CC2D2B: variants seen among roughly 807,000 people sequenced by gnomAD.
CC2D2B encodes protein CC2D2B.
A neutral mutation model predicts 161.2 loss-of-function variants in CC2D2B; 128 were observed. The ratio of observed to expected loss-of-function variants is 0.79; its 90% CI spans 0.69 to 0.92. CC2D2B has a LOEUF of 0.92. Among genes scored for constraint, CC2D2B ranks in the 40% least tolerant of loss-of-function variants. CC2D2B has a pLI of 0.00. For synonymous variants in CC2D2B, 391 were observed against 449.8 expected, an observed-to-expected ratio of 0.87 and a Z score of 1.65; for missense variants, 1,173 against 1,375.1, an observed-to-expected ratio of 0.85 and a Z score of 2.32.
chr10:95,927,260 A>G lies in CC2D2B; in HGVS notation c.264A>G (p.Ser88=). 6.5e-7 allele frequency: 1 copy of G among 1,549,378 alleles called. No homozygotes were observed. The highest frequency in any genetic ancestry group is 8.7e-7 in the Non-Finnish European group (1 of 1,144,622). ...AGTTGTCTCCACAGACTGAAGTCTC[A>G]TTGGATGAAAGTCTTTCATTTTTCA... is the stretch of plus-strand genomic sequence containing the variant. ...RSKLSPQTEV[S]LDESLSFFIL... Residue 88 remains serine (S), a synonymous_variant, in exon 6 of 35, where the codon TCA becomes TCG. Coordinates refer to ENST00000646931, the MANE Select transcript of CC2D2B (RefSeq NM_001349008.3).
chr10:95,935,172 C>T (rs1268851096), intron 6 of CC2D2B, among the ~76,000 whole-genome samples: 2 of 152,296 alleles, frequency 1.3e-5, no homozygotes, highest in South Asian at 2.1e-4. Flanking sequence ...CATCTGGCCA[C>T]ACAGTTTTAT....
chr10:95,968,889 G>A lies in CC2D2B; in HGVS notation c.1632G>A (p.Val544=). The change falls in exon 15 of 35, where the codon GTG becomes GTA. Residue 544 remains valine (V), a synonymous_variant. Transcript: ENST00000646931. ...TTCAGTTAATGTATTGGCCTGAAGTGATTTGTTTGGAGGTATGCCATTGTC... is the reference window on the plus strand; with the variant it reads ...TTCAGTTAATGTATTGGCCTGAAGTAATTTGTTTGGAGGTATGCCATTGTC... ...FNIQLMYWPE[V]ICLEVYEKSK... 1 of 1,228,928 alleles carries A rather than the reference G, an allele frequency of 8.1e-7. No individual in the cohort carries two copies. The highest frequency in any genetic ancestry group is 1.0e-6 in the Non-Finnish European group (1 of 985,312). 76.1% of individuals were successfully genotyped at this position (1,228,928 alleles called of 1,614,324 possible). A position where few individuals can be genotyped will look rare whatever the true frequency, so the allele number is the denominator to read the frequency against.
chr10:96,009,809 T>A lies in CC2D2B; in HGVS notation c.2947-16T>A, dbSNP rs576976655. 38 of 1,316,818 alleles carry A rather than the reference T, an allele frequency of 2.9e-5. No individual in the cohort carries two copies. In the East Asian group the frequency reaches 5.3e-4, roughly 18 times the overall value. 81.6% of individuals were successfully genotyped at this position (1,316,818 alleles called of 1,614,324 possible). On this transcript the variant is annotated splice_polypyrimidine_tract_variant and intron_variant, in intron 25 of 34. Transcript: ENST00000646931. ...ATGATATTAAGTAAGTAATAAAAAA[T>A]TATTTATTTTCATAGGATCACTGTC...
intron 2 of CC2D2B, among the ~76,000 whole-genome samples, chr10:95,918,394 A>G (rs1167700720): frequency 6.6e-6 from 1 of 152,222 alleles, no homozygotes; most frequent in Non-Finnish European, 1.5e-5. Flanking sequence ...ACAATTTTCT[A>G]GGATAAAAAT....
At chr10:96,019,897 T>C (rs933772186) in intron 32 of CC2D2B, 73 bp downstream of exon 32, 4 of 1,349,446 alleles carry the variant, frequency 3.0e-6, no homozygotes, top group Non-Finnish European at 3.0e-6. Flanking sequence ...TTGTGACAGC[T>C]CTTATTATGT....
chr10:95,957,836 C>T (rs1311659336), intron 11 of CC2D2B, among the ~76,000 whole-genome samples: 1 of 149,950 alleles, frequency 6.7e-6, no homozygotes, highest in Non-Finnish European at 1.5e-5. Flanking sequence ...CCTGGGATTA[C>T]AGGTGTGAGC....
At chr10:95,980,811 A>T (rs1200883059) in intron 17 of CC2D2B, among the ~76,000 whole-genome samples, 1 of 152,202 alleles carries the variant, frequency 6.6e-6, no homozygotes, top group Non-Finnish European at 1.5e-5. Context: ...GACATTGTTG[A>T]ATCCGTGTCA....
chr10:95,913,030 C>T (rs983777712), intron 2 of CC2D2B, among the ~76,000 whole-genome samples: 1 of 151,950 alleles, frequency 6.6e-6, no homozygotes, highest in African/African-American at 2.4e-5. Context: ...TGACCATAGC[C>T]ACCCTTTTGT....
In CC2D2B at chr10:95,966,300, C is replaced by T; in HGVS notation, c.1464C>T (p.Ser488=). 1.9e-6 allele frequency: 2 copies of T among 1,078,512 alleles called. No homozygotes were observed. The highest frequency in any genetic ancestry group is 2.4e-6 in the Non-Finnish European group (2 of 848,410). The allele number at this position is 1,078,512 out of a possible 1,614,324, so 66.8% of individuals were successfully genotyped here. Residue 488 remains serine, a splice_region_variant and synonymous_variant, in exon 14 of 35, where the codon TCC becomes TCT. Coordinates refer to ENST00000646931, the MANE Select transcript of CC2D2B (RefSeq NM_001349008.3). ...AATTAACAAGCTTATCCAAGTGTTC[C>T]TTGTAAGCATGTTTAAATAATTATT... ...TAELTSLSKC[S]LHEQKRRAKI...
chr10:95,974,953 A>G (rs1590691029), intron 17 of CC2D2B, among the ~76,000 whole-genome samples: 1 of 152,206 alleles, frequency 6.6e-6, no homozygotes, highest in East Asian at 1.9e-4. Context: ...AACCTACAGA[A>G]TTTACAAGAC....
chr10:95,923,540 C>T (rs949951173), intron 3 of CC2D2B, among the ~76,000 whole-genome samples: 5 of 152,022 alleles, frequency 3.3e-5, no homozygotes, highest in Admixed American at 6.6e-5. Flanking sequence ...TTCAAGTAAC[C>T]AGGCTTTGAT....
At chr10:95,932,532 C>G (rs2075645144) in intron 6 of CC2D2B, among the ~76,000 whole-genome samples, 1 of 152,050 alleles carries the variant, frequency 6.6e-6, no homozygotes, top group Non-Finnish European at 1.5e-5. Flanking sequence ...TTTTCCTTTC[C>G]ATATTTAGTA....
At chr10:96,015,648 A>G (rs1381347682) in intron 29 of CC2D2B, among the ~76,000 whole-genome samples, 1 of 151,598 alleles carries the variant, frequency 6.6e-6, no homozygotes, top group Admixed American at 6.6e-5. Context: ...TTTACTGGGC[A>G]CTCTCTATTT....
chr10:96,000,706 A>G (rs563493108), intron 24 of CC2D2B: 2 of 152,236 alleles, frequency 1.3e-5, no homozygotes, highest in South Asian at 4.2e-4. Flanking sequence ...TATTATGGAT[A>G]CCAGCCCTTT....
intron 28 of CC2D2B, among the ~76,000 whole-genome samples, chr10:96,013,102 A>T (rs1338839021): frequency 3.9e-5 from 6 of 152,174 alleles, no homozygotes. Flanking sequence ...CATTAATTGC[A>T]TGAAGTCACC....
intron 6 of CC2D2B, among the ~76,000 whole-genome samples, chr10:95,932,177 T>C (rs2075627652): frequency 6.6e-6 from 1 of 152,226 alleles, no homozygotes; most frequent in Non-Finnish European, 1.5e-5. Flanking sequence ...TTAAAGTATG[T>C]TTTATCAGAG....
intron 24 of CC2D2B, among the ~76,000 whole-genome samples, chr10:96,003,614 G>GTC (rs2078619207): frequency 6.6e-6 from 1 of 150,900 alleles, no homozygotes; most frequent in Non-Finnish European, 1.5e-5. Context: ...GTGTGTGTGT[G>GTC]TGTGTGTGTG....
intron 14 of CC2D2B, among the ~76,000 whole-genome samples, chr10:95,967,573 A>C (rs1409671557): frequency 3.9e-5 from 6 of 152,324 alleles, no homozygotes; most frequent in Non-Finnish European, 8.8e-5. Flanking sequence ...AATTAAAAAG[A>C]GTTTACAGGT....
Position 96,027,280 on chromosome 10 carries a change from A to G in CC2D2B, c.4016A>G (p.Gln1339Arg), listed in dbSNP as rs532904129. 59 of 1,551,280 alleles carry G rather than the reference A, an allele frequency of 3.8e-5. No homozygotes were observed. The African/African-American group carries it at 7.2e-4, about 19-fold the overall frequency. The change falls in exon 34 of 35, where the codon CAG becomes CGG. Residue 1339 changes from glutamine (Q) to arginine (R), a missense_variant. Physicochemically the swap from Gln to Arg is conservative, Grantham distance 43. Around this residue, in one of 3 missense-constraint regions of CC2D2B, gnomAD observed 598 missense variants for 693.2 expected, o/e 0.86. Transcript: ENST00000646931. ...AAACACCCAACACATTGGAATCGAC[A>G]GTGTACTTTTATTTTGCGACAAATC... is the stretch of plus-strand genomic sequence containing the variant. ...RPKHPTHWNRQCTFILRQILP... is the reference protein window; with the variant it reads ...RPKHPTHWNRRCTFILRQILP...
Sources: allele counts gnomAD v4.1 joint callset (sites outside exome capture counted in the v4.1 genomes callset), GRCh38; gene constraint gnomAD v4.1.1; regional missense constraint gnomAD v4.1.1; transcripts MANE v1.5; gene names NCBI Gene and HGNC (gene_info 2026-07-23, HGNC 2026-07-21).